Variants in MKLN1 observed in about 807,000 individuals in gnomAD.
MKLN1 encodes muskelin.
A neutral mutation model predicts 99.0 loss-of-function variants in MKLN1; 18 were observed. The ratio of observed to expected loss-of-function variants is 0.18; its 90% CI spans 0.13 to 0.27. The LOEUF (loss-of-function observed/expected upper bound fraction) is 0.27. MKLN1 is among the 10% of genes least tolerant of loss of function. The probability of loss-of-function intolerance (pLI) is 1.00; values close to 1 mark genes in which losing one functional copy is unlikely to be tolerated. For synonymous variants in MKLN1, 288 were observed against 293.2 expected (o/e 0.98, Z 0.18); for missense variants, 621 against 875.9 (o/e 0.71, Z 3.67).
At chr7:131,444,833 G>T (rs1348713208) in intron 11 of MKLN1, among the ~76,000 whole-genome samples, 3 of 149,980 alleles carry the variant, frequency 2.0e-5, no homozygotes. Context: ...AAGTGGAAGT[G>T]GAAGTGGAAG....
At chr7:131,302,939 G>A (rs1039034132) in intron 3 of MKLN1, among the ~76,000 whole-genome samples, 1 of 152,130 alleles carries the variant, frequency 6.6e-6, no homozygotes, top group Admixed American at 6.6e-5. Context: ...AATCTGTATC[G>A]TTTGTGTGGT....
At chr7:131,228,302 A>T (rs922883768) in intron 3 of MKLN1, among the ~76,000 whole-genome samples, 3 of 152,170 alleles carry the variant, frequency 2.0e-5, no homozygotes, top group African/African-American at 7.2e-5. Context: ...TTCTTATCAG[A>T]ACATTCTGAT....
At chr7:131,293,767 C>G (rs1031195777) in intron 3 of MKLN1, among the ~76,000 whole-genome samples, 1 of 152,202 alleles carries the variant, frequency 6.6e-6, no homozygotes, top group East Asian at 1.9e-4. Context: ...GATCACGCCA[C>G]TGCTCTCTAG....
At chr7:131,391,228 A>G (rs1794189952) in intron 4 of MKLN1, among the ~76,000 whole-genome samples, 1 of 152,144 alleles carries the variant, frequency 6.6e-6, no homozygotes, top group Admixed American at 6.5e-5. Context: ...CGTTTATTTC[A>G]TTTAGGTAAA....
At chr7:131,302,354 T>A (rs1798388229) in intron 3 of MKLN1, among the ~76,000 whole-genome samples, 1 of 152,128 alleles carries the variant, frequency 6.6e-6, no homozygotes, top group African/African-American at 2.4e-5. Flanking sequence ...AGGAACTACT[T>A]CCGTCTCCTT....
intron 3 of MKLN1, among the ~76,000 whole-genome samples, chr7:131,245,268 CTTTTT>C (rs34255726): frequency 7.7e-6 from 1 of 129,604 alleles, no homozygotes; most frequent in Non-Finnish European, 1.6e-5. Context: ...ATTATACGGT[CTTTTT>C]TTTTTTTTTT....
chr7:131,365,962 G>C (rs936471218), intron 1 of MKLN1, among the ~76,000 whole-genome samples: 1 of 152,136 alleles, frequency 6.6e-6, no homozygotes, highest in African/African-American at 2.4e-5. Flanking sequence ...TTTTGTGTAG[G>C]AGCAAGAGTA....
At chr7:131,439,690 C>T (rs1046273717) in intron 10 of MKLN1, among the ~76,000 whole-genome samples, 6 of 152,022 alleles carry the variant, frequency 3.9e-5, no homozygotes, top group Non-Finnish European at 5.9e-5. Flanking sequence ...GAAAGCTATA[C>T]GATACAAACA....
At chr7:131,124,856 A>G (rs1286813458) in intron 1 of MKLN1, among the ~76,000 whole-genome samples, 1 of 152,198 alleles carries the variant, frequency 6.6e-6, no homozygotes, top group Non-Finnish European at 1.5e-5. Context: ...ACCATGGGAC[A>G]TATGCGCCTT....
intron 1 of MKLN1, among the ~76,000 whole-genome samples, chr7:131,128,524 A>G (rs564495882): frequency 6.6e-6 from 1 of 152,310 alleles, no homozygotes; most frequent in Admixed American, 6.5e-5. Context: ...AAAAAAGAAG[A>G]AGAAAGAAAG....
At chr7:131,439,461 G>C (rs1381827118) in intron 10 of MKLN1, among the ~76,000 whole-genome samples, 1 of 152,038 alleles carries the variant, frequency 6.6e-6, no homozygotes, top group African/African-American at 2.4e-5. Flanking sequence ...GAACACTGGG[G>C]GTGAAGAAAC....
Position 131,397,387 on chromosome 7 carries a change from G to A in MKLN1, c.510+11G>A, listed in dbSNP as rs548053751. ...AACTGGTATAGCAAGGTAGGACTGTGTTTTAAATCCTGACTTTAATGCCTA... is the reference window on the plus strand; with the variant it reads ...AACTGGTATAGCAAGGTAGGACTGTATTTTAAATCCTGACTTTAATGCCTA... On this transcript the variant is annotated intron_variant, in intron 5 of 17. Transcript: ENST00000352689. 9.2e-4 allele frequency: 1,342 copies of A among 1,457,016 alleles called. 19 individuals are homozygous for A. In the South Asian group the frequency reaches 0.016, roughly 17 times the overall value. 90.3% of individuals were successfully genotyped at this position (1,457,016 alleles called of 1,614,324 possible). A position where few individuals can be genotyped will look rare whatever the true frequency, so the allele number is the denominator to read the frequency against.
chr7:131,315,208 A>C (rs1025143567), intron 3 of MKLN1, among the ~76,000 whole-genome samples: 2 of 151,796 alleles, frequency 1.3e-5, no homozygotes, highest in Non-Finnish European at 2.9e-5. Context: ...CTTCATTTCC[A>C]ACTAAGGTAC....
rs77595474 is a variant in MKLN1 at position 131,155,900 on chromosome 7, C to T, written c.-297+12959C>T. Among the ~76,000 whole-genome samples the T allele has an allele frequency of 9.0e-3, 1,377 of 152,204 alleles. 24 individuals carry two copies. The highest frequency in any genetic ancestry group is 0.032 in the African/African-American group (1,317 of 41,504). ...AATACGCAAAACCAAAAATAATTGT[C>T]GTGTTAGGGAAATGGGATTTGGCGT... is the stretch of plus-strand genomic sequence containing the variant. On this transcript the variant is annotated intron_variant, in intron 2 of 7. Coordinates refer to the MKLN1 transcript ENST00000416992.
chr7:131,325,866 A>G (rs569957315), upstream of MKLN1, among the ~76,000 whole-genome samples: 1 of 140,092 alleles, frequency 7.1e-6, no homozygotes, highest in South Asian at 2.5e-4. Flanking sequence ...TGTGCTAGTT[A>G]GTGGGCAGAT....
At chr7:131,420,673 C>T (rs1292520297) in intron 8 of MKLN1, among the ~76,000 whole-genome samples, 2 of 152,158 alleles carry the variant, frequency 1.3e-5, no homozygotes, top group African/African-American at 4.8e-5. Context: ...ATTATTACTA[C>T]AATAATTTCC....
At position 131,192,511 on chromosome 7, in the gene MKLN1, A is replaced by AATATAT. The variant is rs71527990; in HGVS notation, c.-296-10341_-296-10340insTATATA. ...AATATATATAATATATACACATATA[A>AATATAT]ATATAAATATTTACATATATATAAA... On this transcript the variant is annotated intron_variant, in intron 2 of 7. Transcript: ENST00000416992. 1.2e-3 allele frequency among the ~76,000 whole-genome samples: 164 copies of AATATAT among 137,728 alleles called. 1 individual carries two copies. Among genetic ancestry groups the AATATAT allele is most frequent in the African/African-American group, 4.3e-3 (158 of 36,604 alleles). The allele number at this position is 137,728 out of a possible 152,430, so 90.4% of individuals were successfully genotyped here. A position where few individuals can be genotyped will look rare whatever the true frequency, so the allele number is the denominator to read the frequency against.
At chr7:131,296,473 G>A (rs145072073) in intron 3 of MKLN1, among the ~76,000 whole-genome samples, 302 of 152,306 alleles carry the variant, frequency 2.0e-3, no homozygotes, top group Non-Finnish European at 3.5e-3. Context: ...TGTGATAAGA[G>A]TGGGAACGAG....
intron 2 of MKLN1, among the ~76,000 whole-genome samples, chr7:131,186,688 G>T (rs745561505): frequency 2.0e-5 from 3 of 152,114 alleles, no homozygotes; most frequent in Non-Finnish European, 4.4e-5. Flanking sequence ...GTTTCTGAAC[G>T]TATGATTGTC....
Sources: allele counts gnomAD v4.1 joint callset (sites outside exome capture counted in the v4.1 genomes callset), GRCh38; gene constraint gnomAD v4.1.1; transcripts MANE v1.5; gene names NCBI Gene and HGNC (gene_info 2026-07-23, HGNC 2026-07-21).